JARID2: variants seen among roughly 807,000 people sequenced by gnomAD.
JARID2 encodes the protein jumonji and AT-rich interaction domain containing 2.
JARID2 carries 21 observed loss-of-function variants against 125.6 expected under a neutral mutation model. That is an observed-to-expected ratio of 0.17 (90% CI 0.12 to 0.24). The LOEUF is 0.24. Among genes scored for constraint, JARID2 ranks in the 10% least tolerant of loss-of-function variants. The probability of loss-of-function intolerance (pLI) is 1.00; values close to 1 mark genes in which losing one functional copy is unlikely to be tolerated. For synonymous variants in JARID2, 736 were observed against 661.6 expected (o/e 1.11, Z -1.73); for missense variants, 1,303 against 1,639.6 (o/e 0.79, Z 3.55).
chr6:15,490,716 C>CAGT (rs1009315064), intron 6 of JARID2, among the ~76,000 whole-genome samples: 7 of 152,226 alleles, frequency 4.6e-5, no homozygotes, highest in African/African-American at 1.7e-4. Context: ...TGCTTTCCTG[C>CAGT]AGTAGTACTT....
chr6:15,502,930 A>G (rs540630288), intron 8 of JARID2, among the ~76,000 whole-genome samples: 2 of 152,360 alleles, frequency 1.3e-5, no homozygotes, highest in South Asian at 4.1e-4. Flanking sequence ...TTGTCAAGTA[A>G]AGCCACTCAG....
At chr6:15,353,256 A>G (rs756056051) in intron 1 of JARID2, among the ~76,000 whole-genome samples, 1 of 152,180 alleles carries the variant, frequency 6.6e-6, no homozygotes, top group Non-Finnish European at 1.5e-5. Context: ...GTGAAGTGGT[A>G]TCGCATTGCT....
At chr6:15,426,813 A>C (rs990989344) in intron 3 of JARID2, among the ~76,000 whole-genome samples, 1 of 152,230 alleles carries the variant, frequency 6.6e-6, no homozygotes, top group Non-Finnish European at 1.5e-5. Context: ...AGATTTTACC[A>C]TTTGAAAGCC....
At chr6:15,456,878 CTTTTT>C (rs71535043) in intron 4 of JARID2, among the ~76,000 whole-genome samples, 1 of 95,672 alleles carries the variant, frequency 1.0e-5, no homozygotes, top group Non-Finnish European at 1.9e-5. Context: ...GGATGTTAAG[CTTTTT>C]TTTTTTTTTT....
intron 2 of JARID2, 82 bp from the exon 3 acceptor site, chr6:15,410,142 G>A: frequency 7.9e-7 from 1 of 1,268,830 alleles, no homozygotes. Context: ...GTCTTCATCA[G>A]CGTTGTGTAG....
chr6:15,270,071 C>T (rs186780242), intron 1 of JARID2, among the ~76,000 whole-genome samples: 1 of 152,302 alleles, frequency 6.6e-6, no homozygotes, highest in East Asian at 1.9e-4. Flanking sequence ...GCACTTGTAA[C>T]TGATGAAATG....
chr6:15,354,184 G>C (rs754054104), intron 1 of JARID2, among the ~76,000 whole-genome samples: 8 of 152,166 alleles, frequency 5.3e-5, no homozygotes, highest in Non-Finnish European at 8.8e-5. Flanking sequence ...GTGGCTCACT[G>C]TCAGAGCAAA....
chr6:15,391,589 T>C (rs1040406725), intron 2 of JARID2, among the ~76,000 whole-genome samples: 2 of 152,250 alleles, frequency 1.3e-5, no homozygotes, highest in African/African-American at 4.8e-5. Flanking sequence ...ATAAAGGCTG[T>C]GTTATGCAAC....
chr6:15,320,883 T>TGTGTGTGTGTG (rs773153042), intron 1 of JARID2, among the ~76,000 whole-genome samples: 217 of 151,248 alleles, frequency 1.4e-3, no homozygotes, highest in East Asian at 3.7e-3. Context: ...TGTGTGTGTG[T>TGTGTGTGTGTG]TAGTTAAACT....
At chr6:15,342,073 T>C (rs1302689524) in intron 1 of JARID2, among the ~76,000 whole-genome samples, 1 of 152,216 alleles carries the variant, frequency 6.6e-6, no homozygotes, top group Non-Finnish European at 1.5e-5. Context: ...CCATTTTTCT[T>C]TTCTTTTTCT....
chr6:15,492,535 C>A (rs1302320028), intron 6 of JARID2, among the ~76,000 whole-genome samples: 8 of 152,156 alleles, frequency 5.3e-5, no homozygotes, highest in Non-Finnish European at 1.2e-4. Flanking sequence ...GTGTTGGCTC[C>A]TTATAGACAA....
At chr6:15,499,617 G>A (rs182390240) in intron 7 of JARID2, among the ~76,000 whole-genome samples, 3 of 152,218 alleles carry the variant, frequency 2.0e-5, no homozygotes, top group Admixed American at 6.5e-5. Context: ...AAGAACTCCC[G>A]ATTGTCAGCC....
chr6:15,508,518 G>T (rs1332473601), intron 12 of JARID2, 64 bp downstream of exon 12: 1 of 878,408 alleles, frequency 1.1e-6, no homozygotes. Flanking sequence ...CATGAAGTGG[G>T]GCCTGTGGGT....
chr6:15,488,933 C>T (rs1006332111), intron 6 of JARID2, among the ~76,000 whole-genome samples: 2 of 152,120 alleles, frequency 1.3e-5, no homozygotes, highest in South Asian at 2.1e-4. Context: ...CATTGGGCCC[C>T]GGATTGTCAG....
Position 15,317,993 on chromosome 6 carries a change from G to C in JARID2, c.46-56124G>C, listed in dbSNP as rs182923025. The stretch of plus-strand genomic sequence containing the variant: ...GGTAGAGGCTAGTCTGTTTGCCTGG[G>C]TTCACTGAAGTTGCTAGGTTTTGAG... On this transcript the variant is annotated intron_variant, in intron 1 of 17. Transcript: ENST00000341776. Among the ~76,000 whole-genome samples the C allele has an allele frequency of 2.3e-3, 345 of 152,338 alleles. 2 individuals are homozygous for C. The highest frequency in any genetic ancestry group is 8.0e-3 in the African/African-American group (333 of 41,572).
intron 1 of JARID2, among the ~76,000 whole-genome samples, chr6:15,299,677 A>G (rs1291865642): frequency 6.6e-6 from 1 of 152,086 alleles, no homozygotes; most frequent in Non-Finnish European, 1.5e-5. Context: ...CCACTGCACC[A>G]GAGTTTGGGC....
rs757710764 is a variant in JARID2 at position 15,512,974 on chromosome 6, T to A, written c.3195T>A (p.Ile1065=). ...PFSMEKLLYQ[I]AQAEAKKENG... ...CCATGGAGAAGTTACTCTACCAGAT[T>A]GCACAAGCAGAAGCAAAAAAAGAAA... Residue 1065 remains isoleucine, a synonymous_variant, in exon 15 of 18, where the codon ATT becomes ATA. Coordinates refer to ENST00000341776, the MANE Select transcript of JARID2 (RefSeq NM_004973.4). 2.5e-6 allele frequency: 4 copies of A among 1,613,624 alleles called. No individual in the cohort carries two copies. The highest frequency in any genetic ancestry group is 3.4e-6 in the Non-Finnish European group (4 of 1,179,898).
Position 15,520,418 on chromosome 6 carries a change from T to C in JARID2, c.*167T>C. 2 of 551,002 alleles carry C rather than the reference T, an allele frequency of 3.6e-6. No individual in the cohort carries two copies. The highest frequency in any genetic ancestry group is 6.0e-6 in the Non-Finnish European group (2 of 331,980). 34.1% of individuals were successfully genotyped at this position (551,002 alleles called of 1,614,324 possible). A position where few individuals can be genotyped will look rare whatever the true frequency, so the allele number is the denominator to read the frequency against. On this transcript the variant is annotated 3_prime_UTR_variant, in exon 18 of 18. Coordinates refer to ENST00000341776, the MANE Select transcript of JARID2 (RefSeq NM_004973.4). ...TTTTAGCATTAAACTGTTGAACTTT[T>C]TTTTGTACTTAGAAAACCTAGATAC...
chr6:15,427,555 TTCC>T (rs753899648), intron 3 of JARID2, among the ~76,000 whole-genome samples: 4 of 152,112 alleles, frequency 2.6e-5, no homozygotes, highest in Non-Finnish European at 4.4e-5. Flanking sequence ...GTTTCTTTCC[TTCC>T]TCCTCTAAGC....
Sources: allele counts gnomAD v4.1 joint callset (sites outside exome capture counted in the v4.1 genomes callset), GRCh38; gene constraint gnomAD v4.1.1; transcripts MANE v1.5; gene names NCBI Gene and HGNC (gene_info 2026-07-23, HGNC 2026-07-21).